PHKB: variants seen among roughly 807,000 people sequenced by gnomAD.
PHKB encodes phosphorylase kinase regulatory subunit beta.
PHKB carries 122 observed loss-of-function variants against 152.1 expected under a neutral mutation model. The observed-to-expected ratio is 0.80, with a 90% CI of 0.69 to 0.93. PHKB has a LOEUF of 0.93. Among genes scored for constraint, PHKB ranks in the 40% least tolerant of loss-of-function variants. The pLI, the probability that PHKB is intolerant of heterozygous loss-of-function variation, is 0.00. For missense variants in PHKB, 1,304 were observed against 1,328.4 expected, an observed-to-expected ratio of 0.98 and a Z score of 0.29; for synonymous variants, 436 against 464.9, an observed-to-expected ratio of 0.94 and a Z score of 0.80.
At chr16:47,625,479 C>G (rs1027887341) in intron 14 of PHKB, among the ~76,000 whole-genome samples, 1 of 152,084 alleles carries the variant, frequency 6.6e-6, no homozygotes, top group African/African-American at 2.4e-5. Context: ...CTGTTATGCT[C>G]CAGACACACT....
intron 12 of PHKB, among the ~76,000 whole-genome samples, chr16:47,596,013 C>T (rs1228403413): frequency 6.6e-6 from 1 of 152,096 alleles, no homozygotes; most frequent in Non-Finnish European, 1.5e-5. Context: ...GTATCCCCAC[C>T]CAAAGCTCAG....
intron 6 of PHKB, among the ~76,000 whole-genome samples, chr16:47,523,248 A>T (rs1970714969): frequency 6.6e-6 from 1 of 152,212 alleles, no homozygotes; most frequent in Non-Finnish European, 1.5e-5. Context: ...ATAATATATT[A>T]ACTCCAGAAA....
intron 14 of PHKB, among the ~76,000 whole-genome samples, chr16:47,611,824 G>A (rs1972433765): frequency 6.6e-6 from 1 of 152,158 alleles, no homozygotes; most frequent in Non-Finnish European, 1.5e-5. Context: ...TGGATGAGAA[G>A]CTATCTGAGA....
chr16:47,597,206 A>G lies in PHKB; in HGVS notation c.1363+675A>G, dbSNP rs151119786. ...AGTCAGAATTCCTTTATGGCAAAAT[A>G]TATTGAAATAGGCTAACTGTAAATA... On this transcript the variant is annotated intron_variant, in intron 13 of 30. Coordinates refer to ENST00000323584, the MANE Select transcript of PHKB (RefSeq NM_000293.3). 4.2e-3 allele frequency among the ~76,000 whole-genome samples: 636 copies of G among 152,318 alleles called. 7 individuals carry two copies. Among genetic ancestry groups the G allele is most frequent in the African/African-American group, 0.015 (604 of 41,592 alleles).
chr16:47,563,242 G>A (rs749513066), intron 7 of PHKB, among the ~76,000 whole-genome samples: 3 of 150,344 alleles, frequency 2.0e-5, no homozygotes, highest in African/African-American at 4.9e-5. Flanking sequence ...CTAGAATGGC[G>A]AGTCCTTCCC....
chr16:47,596,286 C>A, intron 12 of PHKB, 87 bp from the exon 13 acceptor site: 1 of 927,552 alleles, frequency 1.1e-6, no homozygotes. Context: ...ATAAATTACC[C>A]AGTCTTGGGT....
At chr16:47,609,055 T>C (rs1972378243) in intron 13 of PHKB, among the ~76,000 whole-genome samples, 1 of 152,186 alleles carries the variant, frequency 6.6e-6, no homozygotes, top group Non-Finnish European at 1.5e-5. Context: ...TAGATTCCCT[T>C]TATTAGGTTG....
At chr16:47,559,940 C>G (rs914849467) in intron 7 of PHKB, among the ~76,000 whole-genome samples, 2 of 152,136 alleles carry the variant, frequency 1.3e-5, no homozygotes, top group Admixed American at 6.5e-5. Flanking sequence ...AAACTTTGGA[C>G]CTGCAAAGAG....
intron 20 of PHKB, among the ~76,000 whole-genome samples, chr16:47,658,662 G>A (rs1368731517): frequency 6.6e-6 from 1 of 152,142 alleles, no homozygotes; most frequent in Non-Finnish European, 1.5e-5. Flanking sequence ...TAGCCTAAGA[G>A]CAATAGGCTG....
At chr16:47,605,304 G>A (rs901723341) in intron 13 of PHKB, among the ~76,000 whole-genome samples, 1 of 152,140 alleles carries the variant, frequency 6.6e-6, no homozygotes, top group Non-Finnish European at 1.5e-5. Flanking sequence ...GTGTAAGTGG[G>A]AACATCAAGC....
chr16:47,509,947 G>A (rs1330288713), intron 4 of PHKB, among the ~76,000 whole-genome samples: 1 of 152,184 alleles, frequency 6.6e-6, no homozygotes, highest in Non-Finnish European at 1.5e-5. Flanking sequence ...TAGATCCCCA[G>A]GCTACCCACA....
intron 6 of PHKB, among the ~76,000 whole-genome samples, chr16:47,520,867 A>G (rs1422652221): frequency 6.6e-6 from 1 of 152,098 alleles, no homozygotes; most frequent in Admixed American, 6.5e-5. Context: ...ATTAATTTTG[A>G]TTAAGTCTCA....
intron 1 of PHKB, 77 bp downstream of exon 1, chr16:47,461,503 A>G: frequency 6.9e-7 from 1 of 1,455,266 alleles, no homozygotes; most frequent in Non-Finnish European, 9.6e-7. Flanking sequence ...GGCGGGAGGC[A>G]GGTGGGGGCC....
At chr16:47,493,049 A>G (rs1476791597) in intron 1 of PHKB, among the ~76,000 whole-genome samples, 1 of 152,222 alleles carries the variant, frequency 6.6e-6, no homozygotes, top group African/African-American at 2.4e-5. Flanking sequence ...ATTGAATCCT[A>G]GGTACCACCC....
chr16:47,558,347 C>T (rs1567305832), intron 7 of PHKB, among the ~76,000 whole-genome samples: 5 of 151,574 alleles, frequency 3.3e-5, no homozygotes, highest in African/African-American at 2.4e-5. Context: ...CTAACCTGCA[C>T]GTTGTGCACA....
Position 47,693,521 on chromosome 16 carries a change from A to C in PHKB, c.2895+14A>C. The C allele has an allele frequency of 6.2e-7, 1 of 1,613,800 alleles. No individual in the cohort carries two copies. On this transcript the variant is annotated intron_variant, in intron 28 of 30. Coordinates refer to ENST00000323584, the MANE Select transcript of PHKB (RefSeq NM_000293.3). ...CATTTGCCTCAGGTAAAGCCCCACCATGTTCACATAAAGAAAGGAGACTTC... is the reference window on the plus strand; with the variant it reads ...CATTTGCCTCAGGTAAAGCCCCACCCTGTTCACATAAAGAAAGGAGACTTC...
chr16:47,522,736 T>C (rs1970705781), intron 6 of PHKB, among the ~76,000 whole-genome samples: 1 of 151,942 alleles, frequency 6.6e-6, no homozygotes, highest in Non-Finnish European at 1.5e-5. Context: ...TCTGTGGTTT[T>C]TTTATTCATT....
intron 20 of PHKB, among the ~76,000 whole-genome samples, chr16:47,653,624 A>G (rs552412647): frequency 1.3e-5 from 2 of 152,264 alleles, no homozygotes; most frequent in African/African-American, 4.8e-5. Context: ...TTAACCAGAA[A>G]TCTACTTTTG....
At position 47,587,589 on chromosome 16, in the gene PHKB, A is replaced by C. The variant is rs947032094; in HGVS notation, c.775-79A>C. 6 of 997,448 alleles carry C rather than the reference A, an allele frequency of 6.0e-6. No homozygotes were observed. The African/African-American group carries it at 8.0e-5, about 13-fold the overall frequency. 61.8% of individuals were successfully genotyped at this position (997,448 alleles called of 1,614,324 possible). ...GCAGACAATGTCAGTATTTTTGTGA[A>C]GTTTTCACAGTCAAAATGCCAAAGT... On this transcript the variant is annotated intron_variant, in intron 8 of 30. Coordinates refer to ENST00000323584, the MANE Select transcript of PHKB (RefSeq NM_000293.3).
Sources: allele counts gnomAD v4.1 joint callset (sites outside exome capture counted in the v4.1 genomes callset), GRCh38; gene constraint gnomAD v4.1.1; transcripts MANE v1.5; gene names NCBI Gene and HGNC (gene_info 2026-07-23, HGNC 2026-07-21).